The following CACNA1D variants were observed in gnomAD, a reference collection of about 807,000 sequenced individuals.
CACNA1D encodes voltage-dependent L-type calcium channel subunit alpha-1D.
Under a neutral mutation model 257.1 loss-of-function variants are expected in CACNA1D, and 55 were observed. That is an observed-to-expected ratio of 0.21 (90% confidence interval 0.17 to 0.27). The LOEUF is 0.27. Ranked by LOEUF, CACNA1D falls within the 10% of genes least tolerant of loss-of-function variation. The pLI, the probability that CACNA1D is intolerant of heterozygous loss-of-function variation, is 1.00. For synonymous variants in CACNA1D, 980 were observed against 1,014.9 expected (o/e 0.97, Z 0.65); for missense variants, 1,876 against 2,784.0 (o/e 0.67, Z 7.34).
At chr3:53,767,048 A>T (rs1040449187) in intron 30 of CACNA1D, among the ~76,000 whole-genome samples, 1 of 151,926 alleles carries the variant, frequency 6.6e-6, no homozygotes, top group African/African-American at 2.4e-5. Context: ...CTCTCTCTTC[A>T]TCCGTGTACT....
chr3:53,795,962 C>G (rs1026572968), intron 40 of CACNA1D, among the ~76,000 whole-genome samples: 3 of 152,158 alleles, frequency 2.0e-5, no homozygotes, highest in Non-Finnish European at 2.9e-5. Flanking sequence ...GATCCCAACC[C>G]TTTATATCTG....
chr3:53,724,075 C>T, intron 14 of CACNA1D, 76 bp downstream of exon 14: 1 of 1,173,794 alleles, frequency 8.5e-7, no homozygotes, highest in Non-Finnish European at 1.3e-6. Flanking sequence ...TGTCTGCTCA[C>T]ACTCAGGAAG....
At chr3:53,566,615 T>C (rs1462337062) in intron 3 of CACNA1D, among the ~76,000 whole-genome samples, 1 of 152,182 alleles carries the variant, frequency 6.6e-6, no homozygotes, top group Non-Finnish European at 1.5e-5. Context: ...AACTGCTGTT[T>C]CTTCCACACA....
At chr3:53,619,393 G>T (rs1197126308) in intron 3 of CACNA1D, among the ~76,000 whole-genome samples, 1 of 152,144 alleles carries the variant, frequency 6.6e-6, no homozygotes, top group Non-Finnish European at 1.5e-5. Flanking sequence ...GAATTAATTG[G>T]CTAAGCCTCA....
intron 14 of CACNA1D, among the ~76,000 whole-genome samples, chr3:53,726,664 A>G (rs1348631992): frequency 7.2e-6 from 1 of 138,816 alleles, no homozygotes; most frequent in Admixed American, 7.5e-5. Context: ...AAGTCTTAAT[A>G]ATAAGGTTAT....
At chr3:53,551,970 A>T (rs1161679064) in intron 3 of CACNA1D, among the ~76,000 whole-genome samples, 4 of 152,152 alleles carry the variant, frequency 2.6e-5, no homozygotes, top group African/African-American at 9.7e-5. Flanking sequence ...TTTGAGTACT[A>T]GGTGGTATTT....
intron 20 of CACNA1D, among the ~76,000 whole-genome samples, chr3:53,737,986 G>T (rs564361584): frequency 6.6e-6 from 1 of 152,310 alleles, no homozygotes; most frequent in East Asian, 1.9e-4. Flanking sequence ...AGCTTACTCG[G>T]CACTGAGGAC....
intron 5 of CACNA1D, 109 bp downstream of exon 5, chr3:53,660,384 C>CAGCA (rs1206448620): frequency 1.0e-6 from 1 of 997,690 alleles, no homozygotes; most frequent in Non-Finnish European, 1.6e-6. Flanking sequence ...AGCCAGGGGT[C>CAGCA]AGCAGATGAC....
Position 53,497,232 on chromosome 3 carries a change from G to A in CACNA1D, c.148G>A (p.Val50Ile). The A allele has an allele frequency of 6.2e-7, 1 of 1,614,136 alleles. No individual in the cohort carries two copies. Among genetic ancestry groups the A allele is most frequent in the Non-Finnish European group, 8.5e-7 (1 of 1,180,026 alleles). The change falls in exon 2 of 48, where the codon GTC becomes ATC. Residue 50 changes from valine (V) to isoleucine (I), a missense_variant. Val to Ile is a conservative substitution (Grantham distance 29, BLOSUM62 3). Transcript: ENST00000350061. The part of the protein sequence containing the change: ...TSQPNSSKQT[V>I]LSWQAAIDAA... ...TCAGCCGAATAGCTCCAAGCAAACT[G>A]TCCTGTCTTGGCAAGCTGCAATCGA... is the stretch of plus-strand genomic sequence containing the variant.
In CACNA1D at chr3:53,538,141, G is replaced by GTTTTTTTTTTT. The variant is rs538996336; in HGVS notation, c.483+36437_483+36447dup. 2.2e-3 allele frequency among the ~76,000 whole-genome samples: 203 copies of GTTTTTTTTTTT among 90,466 alleles called. 30 individuals carry two copies. The highest frequency in any genetic ancestry group is 0.011 in the African/African-American group (189 of 16,672). The allele number at this position is 90,466 out of a possible 152,430, so 59.3% of individuals were successfully genotyped here. A position where few individuals can be genotyped will look rare whatever the true frequency, so the allele number is the denominator to read the frequency against. Reference sequence around the variant, plus strand: ...TTCTCCATATTTACCAGTTTTTGAAGTTTTTTTTTTTTTTTTTTTTTTTTT... The same window carrying GTTTTTTTTTTT: ...TTCTCCATATTTACCAGTTTTTGAAGTTTTTTTTTTTTTTTTTTTTTTTTTTTTTTTTTTTT... On this transcript the variant is annotated intron_variant, in intron 3 of 47. Transcript: ENST00000350061.
intron 44 of CACNA1D, 130 bp downstream of exon 44, chr3:53,803,702 C>T: frequency 1.2e-6 from 1 of 839,190 alleles, no homozygotes; most frequent in Non-Finnish European, 2.0e-6. Context: ...GCAGAAACTC[C>T]AGGCCAGAGG....
intron 3 of CACNA1D, among the ~76,000 whole-genome samples, chr3:53,640,897 A>G (rs925995516): frequency 3.9e-5 from 6 of 152,290 alleles, no homozygotes; most frequent in Middle Eastern, 6.8e-3. Context: ...AGCAGCAGGC[A>G]TGTGGTGGTC....
chr3:53,671,174 A>G (rs767078215), intron 7 of CACNA1D, among the ~76,000 whole-genome samples: 1 of 152,234 alleles, frequency 6.6e-6, no homozygotes, highest in Non-Finnish European at 1.5e-5. Flanking sequence ...TTCCCTCCCA[A>G]GTAGAGAAGA....
At chr3:53,537,756 CCTCCTTG>C (rs1459349251) in intron 3 of CACNA1D, among the ~76,000 whole-genome samples, 1 of 152,094 alleles carries the variant, frequency 6.6e-6, no homozygotes, top group East Asian at 1.9e-4. Flanking sequence ...ACTCTTTTAT[CCTCCTTG>C]CTACTTATTT....
intron 3 of CACNA1D, among the ~76,000 whole-genome samples, chr3:53,632,022 T>C (rs1055259943): frequency 6.6e-6 from 1 of 152,232 alleles, no homozygotes; most frequent in Admixed American, 6.5e-5. Context: ...TGGCTTCAAC[T>C]TAGTCACCAG....
At chr3:53,500,799 T>C (rs2090568362) in intron 2 of CACNA1D, among the ~76,000 whole-genome samples, 1 of 152,228 alleles carries the variant, frequency 6.6e-6, no homozygotes, top group Admixed American at 6.5e-5. Context: ...TAAGTATCTC[T>C]TGAAGGCTGA....
chr3:53,555,657 CT>C (rs1425256632), intron 3 of CACNA1D, among the ~76,000 whole-genome samples: 1 of 151,984 alleles, frequency 6.6e-6, no homozygotes, highest in African/African-American at 2.4e-5. Context: ...CCACCCCCTC[CT>C]CCCAACTTGT....
chr3:53,628,982 A>G (rs111829203), intron 3 of CACNA1D, among the ~76,000 whole-genome samples: 1 of 152,222 alleles, frequency 6.6e-6, no homozygotes, highest in African/African-American at 2.4e-5. Flanking sequence ...TCTCATGAGC[A>G]CTACAGGTCT....
chr3:53,747,359 G>A lies in CACNA1D; in HGVS notation c.3225G>A (p.Arg1075=), dbSNP rs751806686. ...TTGACAGTCCTGTGGTCCGTGAACG[G>A]ATCTGGCAAAACAGTGATTTCAACT... ...GDVDSPVVRE[R]IWQNSDFNFD... Residue 1075 remains arginine (R), a synonymous_variant, in exon 26 of 48, where the codon CGG becomes CGA. Coordinates refer to ENST00000350061, the MANE Select transcript of CACNA1D (RefSeq NM_001128840.3). The A allele has an allele frequency of 2.5e-6, 4 of 1,613,876 alleles. No homozygotes were observed. The African/African-American group carries it at 5.3e-5, about 22-fold the overall frequency.
Sources: allele counts gnomAD v4.1 joint callset (sites outside exome capture counted in the v4.1 genomes callset), GRCh38; gene constraint gnomAD v4.1.1; transcripts MANE v1.5; gene names NCBI Gene and HGNC (gene_info 2026-07-23, HGNC 2026-07-21).